C14orf39: variants seen among roughly 807,000 people sequenced by gnomAD.
The protein encoded by C14orf39 is chromosome 14 open reading frame 39.
In C14orf39, 66 loss-of-function variants were observed where a neutral mutation model predicts 85.6. The ratio of observed to expected loss-of-function variants is 0.77; its 90% CI spans 0.63 to 0.95. The LOEUF is 0.95. Ranked by LOEUF, C14orf39 falls within the 40% of genes least tolerant of loss-of-function variation. The probability of loss-of-function intolerance (pLI) is 0.00; values close to 1 mark genes in which losing one functional copy is unlikely to be tolerated. For missense variants in C14orf39, 735 were observed against 663.9 expected (o/e 1.11, Z -1.18); for synonymous variants, 242 against 214.0 (o/e 1.13, Z -1.14).
At chr14:60,499,032 G>A (rs1386510695) in intron 2 of C14orf39, among the ~76,000 whole-genome samples, 1 of 152,144 alleles carries the variant, frequency 6.6e-6, no homozygotes, top group Non-Finnish European at 1.5e-5. Context: ...GCCAAGGTAG[G>A]CGGATCACCT....
chr14:60,436,977 A>C lies in C14orf39; in HGVS notation c.1632T>G (p.His544Gln). ...AATCATCTTTTCCAGCTCCAAATGT[A>C]TGAGTTGAAGTGTCTGATGGAAAAG... ...TFSFPSDTST[H>Q]TFGAGKDDFS... The change falls in exon 18 of 18, where the codon CAT (histidine) becomes CAG (glutamine). Residue 544 changes from histidine (H) to glutamine (Q), a missense_variant. Transcript: ENST00000321731. The C allele has an allele frequency of 6.2e-7, 1 of 1,613,168 alleles. No individual in the cohort carries two copies.
At position 60,461,551 on chromosome 14, in the gene C14orf39, G is replaced by A; in HGVS notation, c.1015C>T (p.His339Tyr). ...TGTGAACTTGTGATAGTCGTAATAT[G>A]TGAACATTTTGAATGGTTATCCACA... is the stretch of plus-strand genomic sequence containing the variant. Reference protein sequence around the residue: ...SAVDNHSKCSHITTITSSQKF... With the variant: ...SAVDNHSKCSYITTITSSQKF... Residue 339 changes from histidine to tyrosine, a missense_variant, in exon 12 of 18, where the codon CAT becomes TAT. Physicochemically the swap from His to Tyr is moderately conservative, Grantham distance 83. Coordinates refer to ENST00000321731, the MANE Select transcript of C14orf39 (RefSeq NM_174978.3). The A allele has an allele frequency of 6.3e-7, 1 of 1,586,418 alleles. No individual in the cohort carries two copies. Among genetic ancestry groups the A allele is most frequent in the Non-Finnish European group, 8.5e-7 (1 of 1,170,118 alleles).
chr14:60,444,747 G>A (rs971370094), intron 16 of C14orf39, among the ~76,000 whole-genome samples: 5 of 152,038 alleles, frequency 3.3e-5, no homozygotes, highest in African/African-American at 9.7e-5. Context: ...ACACATAATT[G>A]TCAGATTCAC....
At chr14:60,453,393 T>A (rs754572210) in intron 16 of C14orf39, among the ~76,000 whole-genome samples, 1 of 151,968 alleles carries the variant, frequency 6.6e-6, no homozygotes, top group Non-Finnish European at 1.5e-5. Flanking sequence ...TTAGTTTTCA[T>A]GATACATCAT....
At chr14:60,509,109 G>T (rs1441469719) in intron 1 of C14orf39, 5 of 485,044 alleles carry the variant, frequency 1.0e-5, no homozygotes, top group Non-Finnish European at 1.9e-5. Flanking sequence ...CTGACAGGGG[G>T]TCTCCATGGC....
intron 17 of C14orf39, among the ~76,000 whole-genome samples, 165 bp from the exon 18 acceptor site, chr14:60,437,212 C>T (rs1332136799): frequency 1.3e-5 from 2 of 151,886 alleles, no homozygotes; most frequent in Non-Finnish European, 2.9e-5. Flanking sequence ...AAGGCATTGT[C>T]CTTGGTACTA....
At position 60,484,739 on chromosome 14, in the gene C14orf39, GTAAA is replaced by G; in HGVS notation, c.106+138_106+141del. 1 of 597,294 alleles carries G rather than the reference GTAAA, an allele frequency of 1.7e-6. No homozygotes were observed. Among genetic ancestry groups the G allele is most frequent in the Non-Finnish European group, 2.9e-6 (1 of 343,544 alleles). The allele number at this position is 597,294 out of a possible 1,614,324, so 37.0% of individuals were successfully genotyped here. On this transcript the variant is annotated intron_variant, in intron 3 of 17. Transcript: ENST00000321731. The surrounding 1 kb of genome is among the most constrained non-coding windows in gnomAD (Gnocchi z 4.2). Reference sequence around the variant, plus strand: ...TTAAGTCACATCTATTTCGTCTAGGGTAAATAGTTTATTTGTCGCTAGAGAGAAC... The same window carrying G: ...TTAAGTCACATCTATTTCGTCTAGGGTAGTTTATTTGTCGCTAGAGAGAAC...
chr14:60,437,242 A>C (rs1323420113), intron 17 of C14orf39, among the ~76,000 whole-genome samples, 195 bp from the exon 18 acceptor site: 1 of 152,094 alleles, frequency 6.6e-6, no homozygotes, highest in Non-Finnish European at 1.5e-5. Flanking sequence ...AAACAGACTC[A>C]AACTTAAACC....
chr14:60,454,853 G>A (rs1268621), intron 16 of C14orf39, 148 bp downstream of exon 16: 63,149 of 516,202 alleles, frequency 0.12, 6,522 homozygotes, highest in African/African-American at 0.39. Context: ...AGGTAATAGG[G>A]AACTTTGTCA....
chr14:60,441,949 T>G, intron 17 of C14orf39, 125 bp downstream of exon 17: 1 of 615,202 alleles, frequency 1.6e-6, no homozygotes, highest in South Asian at 2.6e-5. Flanking sequence ...TATCAGTGAG[T>G]AGTGCAGAAG....
At chr14:60,488,529 A>C (rs549193752), upstream of C14orf39, among the ~76,000 whole-genome samples, 2 of 152,300 alleles carry the variant, frequency 1.3e-5, no homozygotes, top group African/African-American at 4.8e-5. Flanking sequence ...CTCCCACAAG[A>C]TAAAATTTTC....
Position 60,435,985 on chromosome 14 carries a change from T to G in C14orf39, c.*860A>C, listed in dbSNP as rs1330066335. On this transcript the variant is annotated 3_prime_UTR_variant, in exon 18 of 18. Coordinates refer to ENST00000321731, the MANE Select transcript of C14orf39 (RefSeq NM_174978.3). ...GTCAAACCCTTTATTACTTGGTAAC[T>G]CAGTACAGCTAATTTACAAAGCACA... 1 of 152,094 alleles carries G rather than the reference T, an allele frequency of 6.6e-6. No homozygotes were observed. Among genetic ancestry groups the G allele is most frequent in the Non-Finnish European group, 1.5e-5 (1 of 68,004 alleles). The allele number at this position is 152,094 out of a possible 1,614,324, so 9.4% of individuals were successfully genotyped here.
intron 1 of C14orf39, among the ~76,000 whole-genome samples, chr14:60,503,660 T>A (rs1177344148): frequency 1.3e-5 from 2 of 152,218 alleles, no homozygotes; most frequent in Non-Finnish European, 2.9e-5. Context: ...CCACTAATTA[T>A]TCAAAGAACA....
In C14orf39 at chr14:60,455,013, G is replaced by T; in HGVS notation, c.1491C>A (p.Ile497=). 4 of 1,546,372 alleles carry T rather than the reference G, an allele frequency of 2.6e-6. No homozygotes were observed. The highest frequency in any genetic ancestry group is 2.6e-6 in the Non-Finnish European group (3 of 1,156,190). Residue 497 remains isoleucine, a synonymous_variant, in exon 16 of 18, where the codon ATC becomes ATA. Coordinates refer to ENST00000321731, the MANE Select transcript of C14orf39 (RefSeq NM_174978.3). The part of the protein sequence containing the change: ...LFDSSVFDTE[I]SSDQFNEHYS... The stretch of plus-strand genomic sequence containing the variant: ...CTTCTCATATTACCTGATCTGATGA[G>T]ATTTCTGTATCAAATACAGAAGAAT...
At chr14:60,475,031 T>C (rs1892302006) in intron 5 of C14orf39, among the ~76,000 whole-genome samples, 1 of 152,208 alleles carries the variant, frequency 6.6e-6, no homozygotes, top group Non-Finnish European at 1.5e-5. Flanking sequence ...CATCTGGTCC[T>C]GGACTTTTTT....
At chr14:60,481,605 T>C (rs544462728) in intron 4 of C14orf39, among the ~76,000 whole-genome samples, 64 of 152,358 alleles carry the variant, frequency 4.2e-4, no homozygotes, top group African/African-American at 1.3e-3. Flanking sequence ...GATATTCTTA[T>C]TTCTTGCCAG....
At chr14:60,468,586 T>C in intron 8 of C14orf39, 50 bp from the exon 9 acceptor site, 1 of 1,034,564 alleles carries the variant, frequency 9.7e-7, no homozygotes, top group Non-Finnish European at 1.4e-6. Flanking sequence ...TGCAAAGCAG[T>C]AAAAAAAGAT....
intron 1 of C14orf39, among the ~76,000 whole-genome samples, chr14:60,499,606 G>A (rs1430542491): frequency 6.6e-6 from 1 of 152,224 alleles, no homozygotes; most frequent in Non-Finnish European, 1.5e-5. Context: ...AGGAAATACA[G>A]ATTATTTTTA....
chr14:60,511,160 G>A, intron 1 of C14orf39: 3 of 1,612,988 alleles, frequency 1.9e-6, no homozygotes, highest in Non-Finnish European at 2.5e-6. Context: ...AGAGGTGCTG[G>A]GCGTCGCCAC....
Sources: gnomAD v4.1 joint callset for allele counts (sites outside exome capture counted in the v4.1 genomes callset) on GRCh38, gnomAD v4.1.1 for gene constraint, Gnocchi (gnomAD v3.1) non-coding constraint, MANE v1.5 for transcripts, NCBI Gene and HGNC (gene_info 2026-07-23, HGNC 2026-07-21) for gene names.